The following MYO7A variants were observed in gnomAD, a reference collection of about 807,000 sequenced individuals.
The protein encoded by MYO7A is unconventional myosin-VIIa.
MYO7A carries 210 observed loss-of-function variants against 263.8 expected under a neutral mutation model. That is an observed-to-expected ratio of 0.80 (90% CI 0.71 to 0.89). The LOEUF (loss-of-function observed/expected upper bound fraction) is 0.89. Ranked by LOEUF, MYO7A falls within the 40% of genes least tolerant of loss-of-function variation. The probability of loss-of-function intolerance (pLI) is 0.00; values close to 1 mark genes in which losing one functional copy is unlikely to be tolerated. For missense variants in MYO7A, 2,820 were observed against 2,968.3 expected, an observed-to-expected ratio of 0.95 and a Z score of 1.16; for synonymous variants, 1,239 against 1,197.3, an observed-to-expected ratio of 1.03 and a Z score of -0.72.
At chr11:77,162,046 G>A (rs1953048583) in intron 12 of MYO7A, 74 bp from the exon 13 acceptor site, 1 of 1,364,128 alleles carries the variant, frequency 7.3e-7, no homozygotes, top group African/African-American at 1.4e-5. Flanking sequence ...TGCTGCAGGT[G>A]GAGGCAGAGC....
intron 19 of MYO7A, among the ~76,000 whole-genome samples, chr11:77,178,146 C>T (rs1281773287): frequency 6.6e-6 from 1 of 151,048 alleles, no homozygotes; most frequent in African/African-American, 2.4e-5. Context: ...TTCTTCCACT[C>T]GTCCACCCAC....
chr11:77,179,588 G>T (rs868978829), intron 20 of MYO7A, 147 bp from the exon 21 acceptor site: 2 of 669,804 alleles, frequency 3.0e-6, no homozygotes, highest in African/African-American at 1.8e-5. Flanking sequence ...TCTAACGATG[G>T]GGGGGCACTA....
In MYO7A at chr11:77,179,909, C is replaced by A; in HGVS notation, c.2542C>A (p.Arg848=). The A allele has an allele frequency of 8.5e-6, 13 of 1,537,036 alleles. No individual in the cohort carries two copies. The highest frequency in any genetic ancestry group is 1.1e-5 in the Non-Finnish European group (13 of 1,144,886). Residue 848 remains arginine (R), a synonymous_variant, in exon 21 of 49, where the codon CGG becomes AGG. Coordinates refer to ENST00000409709, the MANE Select transcript of MYO7A (RefSeq NM_000260.4). ...TGTGCTCACCGTGCAGGCCTATGCC[C>A]GGGGCATGATCGCCCGCAGGCTGCA... is the stretch of plus-strand genomic sequence containing the variant. The part of the protein sequence containing the change: ...WAVLTVQAYA[R]GMIARRLHQR...
At chr11:77,201,250 C>A (rs992146741) in intron 35 of MYO7A, among the ~76,000 whole-genome samples, 198 bp from the exon 36 acceptor site, 2 of 152,166 alleles carry the variant, frequency 1.3e-5, no homozygotes, top group African/African-American at 4.8e-5. Context: ...CTCCCAAGGG[C>A]AATGAGGAGC....
At chr11:77,201,327 A>T (rs911650214) in intron 35 of MYO7A, 121 bp from the exon 36 acceptor site, 5 of 969,514 alleles carry the variant, frequency 5.2e-6, no homozygotes, top group African/African-American at 3.2e-5. Flanking sequence ...GAGTTGTGAC[A>T]AGGTGGAGGC....
intron 11 of MYO7A, among the ~76,000 whole-genome samples, 152 bp downstream of exon 11, chr11:77,160,434 C>G (rs541366259): frequency 6.6e-6 from 1 of 152,300 alleles, no homozygotes; most frequent in East Asian, 1.9e-4. Context: ...CCTTGAGTCC[C>G]AGGTGCCCAT....
chr11:77,141,018 A>C (rs142715822), intron 2 of MYO7A, among the ~76,000 whole-genome samples: 70 of 152,342 alleles, frequency 4.6e-4, no homozygotes, highest in African/African-American at 1.7e-3. Context: ...ATATGTTTAC[A>C]TACACAAATA....
chr11:77,143,436 T>A (rs1480772091), intron 3 of MYO7A, among the ~76,000 whole-genome samples: 2 of 152,200 alleles, frequency 1.3e-5, no homozygotes, highest in East Asian at 3.8e-4. Flanking sequence ...TAACCCTTTA[T>A]CTGTGGCCCA....
At chr11:77,133,842 A>AT (rs138010106) in intron 2 of MYO7A, among the ~76,000 whole-genome samples, 9,607 of 152,082 alleles carry the variant, frequency 0.063, 393 homozygotes, top group East Asian at 0.22. Flanking sequence ...TTTAATTGAC[A>AT]TTTTTTTCTA....
Position 77,160,085 on chromosome 11 carries a change from G to C in MYO7A, c.1081-78G>C, listed in dbSNP as rs114524372. ...CAGTGGTCTGGGCCAGGCCAGTGCC[G>C]GAAAGTGGAGGGATCCGGGTGTGGG... On this transcript the variant is annotated intron_variant, in intron 10 of 48. Coordinates refer to ENST00000409709, the MANE Select transcript of MYO7A (RefSeq NM_000260.4). The C allele has an allele frequency of 6.6e-4, 1,002 of 1,510,114 alleles. 1 individual carries two copies. Among genetic ancestry groups the C allele is most frequent in the Non-Finnish European group, 8.1e-4 (917 of 1,125,874 alleles). 93.5% of individuals were successfully genotyped at this position (1,510,114 alleles called of 1,614,324 possible). A position where few individuals can be genotyped will look rare whatever the true frequency, so the allele number is the denominator to read the frequency against.
chr11:77,141,415 G>A (rs1565307115), intron 2 of MYO7A, among the ~76,000 whole-genome samples: 2 of 152,114 alleles, frequency 1.3e-5, no homozygotes, highest in Non-Finnish European at 2.9e-5. Flanking sequence ...CCATTACCAC[G>A]GTTTACTTCA....
At position 77,162,134 on chromosome 11, in the gene MYO7A, G is replaced by A. The variant is rs202080237; in HGVS notation, c.1358G>A (p.Cys453Tyr). 199 of 1,600,890 alleles carry A rather than the reference G, an allele frequency of 1.2e-4. No homozygotes were observed. The highest frequency in any genetic ancestry group is 5.2e-5 in the Non-Finnish European group (61 of 1,173,902). Residue 453 changes from cysteine (C) to tyrosine (Y), a missense_variant, in exon 13 of 49, where the codon TGC becomes TAC. By Grantham distance (194) the Cys-to-Tyr change is radical. Coordinates refer to ENST00000409709, the MANE Select transcript of MYO7A (RefSeq NM_000260.4). ...TGCCCCTGCAGCTTTGAGCAGCTCT[G>A]CATCAACTTCGCCAATGAGCACCTG... The part of the protein sequence containing the change: ...NFAVNSFEQL[C>Y]INFANEHLQQ...
intron 2 of MYO7A, among the ~76,000 whole-genome samples, chr11:77,132,367 G>A (rs932520844): frequency 1.1e-4 from 16 of 152,034 alleles, no homozygotes; most frequent in African/African-American, 3.9e-4. Flanking sequence ...GAAGAGAGGA[G>A]GAGAGAGGCA....
intron 17 of MYO7A, 86 bp from the exon 18 acceptor site, chr11:77,175,286 C>A (rs2135429067): frequency 7.9e-7 from 1 of 1,258,348 alleles, no homozygotes; most frequent in Non-Finnish European, 1.1e-6. Context: ...TCGGGAAGAG[C>A]CCTGCCTCTC....
intron 18 of MYO7A, among the ~76,000 whole-genome samples, chr11:77,175,834 T>C (rs782322883): frequency 7.2e-5 from 11 of 152,192 alleles, no homozygotes; most frequent in African/African-American, 1.2e-4. Flanking sequence ...CTTGAGTGTA[T>C]CTTTAGGTTC....
Position 77,211,932 on chromosome 11 carries a change from G to A in MYO7A, c.6349G>A (p.Val2117Met). 3 of 1,612,754 alleles carry A rather than the reference G, an allele frequency of 1.9e-6. No individual in the cohort carries two copies. The highest frequency in any genetic ancestry group is 2.5e-6 in the Non-Finnish European group (3 of 1,178,832). The change falls in exon 46 of 49, where the codon GTG becomes ATG. Residue 2117 changes from valine to methionine, a missense_variant. Val to Met is a conservative substitution (Grantham distance 21). Coordinates refer to ENST00000409709, the MANE Select transcript of MYO7A (RefSeq NM_000260.4). ...WPTFGSAFFE[V>M]KQTTEPNFPE... ...CACCTTTGGCTCAGCCTTCTTCGAG[G>A]TGAAGGTACACCATGGGCTTCTCAG...
chr11:77,206,623 G>A (rs1317561439), intron 41 of MYO7A, among the ~76,000 whole-genome samples: 1 of 152,178 alleles, frequency 6.6e-6, no homozygotes, highest in Non-Finnish European at 1.5e-5. Flanking sequence ...CTCTCCACCT[G>A]AGGTGGTTGA....
intron 34 of MYO7A, 88 bp downstream of exon 34, chr11:77,198,709 A>C: frequency 6.4e-7 from 1 of 1,573,054 alleles, no homozygotes; most frequent in Non-Finnish European, 8.6e-7. Flanking sequence ...GTGAAGAGGC[A>C]TGAAGTGGCC....
chr11:77,167,642 C>T (rs1234461868), intron 15 of MYO7A, among the ~76,000 whole-genome samples: 1 of 152,148 alleles, frequency 6.6e-6, no homozygotes. Context: ...GTGCTGCCAA[C>T]CCCTTTGCCT....
Sources: gnomAD v4.1 joint callset for allele counts (sites outside exome capture counted in the v4.1 genomes callset) on GRCh38, gnomAD v4.1.1 for gene constraint, MANE v1.5 for transcripts, NCBI Gene and HGNC (gene_info 2026-07-23, HGNC 2026-07-21) for gene names.